RASGRP3: variants seen among roughly 807,000 people sequenced by gnomAD.
RASGRP3 encodes ras guanyl-releasing protein 3.
RASGRP3 carries 54 observed loss-of-function variants against 82.7 expected under a neutral mutation model. The observed-to-expected ratio is 0.65, with a 90% CI of 0.52 to 0.82. The LOEUF is 0.82. RASGRP3 is among the 40% of genes least tolerant of loss of function. RASGRP3 has a pLI of 0.00. For synonymous variants in RASGRP3, 309 were observed against 300.5 expected (o/e 1.03, Z -0.29); for missense variants, 861 against 828.9 (o/e 1.04, Z -0.48).
intron 15 of RASGRP3, among the ~76,000 whole-genome samples, chr2:33,557,338 G>C (rs191597146): frequency 1.3e-5 from 2 of 152,300 alleles, no homozygotes; most frequent in African/African-American, 4.8e-5. Flanking sequence ...CTGAGCATAT[G>C]CCCATCTTGT....
chr2:33,453,719 G>A (rs1665909865), intron 2 of RASGRP3, among the ~76,000 whole-genome samples: 1 of 152,226 alleles, frequency 6.6e-6, no homozygotes, highest in African/African-American at 2.4e-5. Context: ...ATGAGGATAT[G>A]TAAGGATCTT....
intron 13 of RASGRP3, among the ~76,000 whole-genome samples, chr2:33,548,168 T>C (rs1479155836): frequency 6.6e-6 from 1 of 151,844 alleles, no homozygotes; most frequent in Non-Finnish European, 1.5e-5. Context: ...GAGACCATCT[T>C]GGCTAACACG....
intron 1 of RASGRP3, among the ~76,000 whole-genome samples, chr2:33,503,842 G>GTAAAGGAAATC (rs1670105630): frequency 6.6e-6 from 1 of 152,096 alleles, no homozygotes; most frequent in Non-Finnish European, 1.5e-5. Flanking sequence ...CGTCTAAATG[G>GTAAAGGAAATC]TAAAGGAAAT....
At chr2:33,497,999 C>CTCCAGCCCTTCTTTCCTTTT (rs1292654532) in intron 1 of RASGRP3, among the ~76,000 whole-genome samples, 1 of 152,182 alleles carries the variant, frequency 6.6e-6, no homozygotes, top group East Asian at 1.9e-4. Flanking sequence ...TCTTTCCTTT[C>CTCCAGCCCTTCTTTCCTTTT]TCCAGCCCTT....
intron 6 of RASGRP3, among the ~76,000 whole-genome samples, chr2:33,521,618 T>C (rs1672042958): frequency 1.3e-5 from 2 of 152,258 alleles, no homozygotes; most frequent in South Asian, 2.1e-4. Context: ...GTGGTTTCCA[T>C]GTGTCTTAAA....
At chr2:33,545,583 A>G (rs1407374063) in intron 13 of RASGRP3, among the ~76,000 whole-genome samples, 1 of 152,350 alleles carries the variant, frequency 6.6e-6, no homozygotes, top group Non-Finnish European at 1.5e-5. Context: ...AAATTCATTT[A>G]TCATATATAT....
rs1255353464 is a variant in RASGRP3 at position 33,549,716 on chromosome 2, C to T, written c.1507C>T (p.Leu503Phe). 1.9e-6 allele frequency: 3 copies of T among 1,613,900 alleles called. No individual in the cohort carries two copies. The highest frequency in any genetic ancestry group is 2.5e-6 in the Non-Finnish European group (3 of 1,179,896). ...FIHNFQEMTY[L>F]KPTFCEHCAG... ...CCATAATTTTCAGGAGATGACCTAT[C>T]TCAAGCCAACCTTCTGCGAACACTG... The change falls in exon 14 of 18, where the codon CTC becomes TTC. Residue 503 changes from leucine to phenylalanine, a missense_variant. Transcript: ENST00000403687.
intron 4 of RASGRP3, among the ~76,000 whole-genome samples, chr2:33,518,709 AT>A (rs537382375): frequency 1.1e-4 from 17 of 150,042 alleles, no homozygotes; most frequent in Non-Finnish European, 1.8e-4. Flanking sequence ...CTCTATTTAA[AT>A]TTTTTTTTTT....
At chr2:33,506,831 A>G (rs913537403) in intron 1 of RASGRP3, among the ~76,000 whole-genome samples, 6 of 152,298 alleles carry the variant, frequency 3.9e-5, no homozygotes, top group Middle Eastern at 3.4e-3. Flanking sequence ...TCTTCGTGTC[A>G]TCAGTTGTGG....
At chr2:33,556,953 A>G (rs190976255) in intron 15 of RASGRP3, among the ~76,000 whole-genome samples, 4 of 150,922 alleles carry the variant, frequency 2.7e-5, no homozygotes, top group Admixed American at 2.0e-4. Context: ...ATGAAAATCT[A>G]TTACACCTTT....
chr2:33,560,412 T>C (rs1391361094), intron 17 of RASGRP3, among the ~76,000 whole-genome samples: 1 of 152,192 alleles, frequency 6.6e-6, no homozygotes, highest in East Asian at 1.9e-4. Flanking sequence ...AGAAAGATCA[T>C]GATTAGGTGT....
chr2:33,451,588 C>A lies in RASGRP3; in HGVS notation c.-261+3645C>A, dbSNP rs1665802112. ...ATCTATTTTGAGTTTAAGTTTTAAT[C>A]TATTTTGAGTTCATTTTTGTATGTA... is the stretch of plus-strand genomic sequence containing the variant. On this transcript the variant is annotated intron_variant, in intron 2 of 18. Transcript: ENST00000402538. Among the ~76,000 whole-genome samples the A allele has an allele frequency of 2.0e-5, 3 of 152,152 alleles. No individual in the cohort carries two copies. The South Asian group carries it at 6.2e-4, about 32-fold the overall frequency.
At chr2:33,472,782 C>T (rs1488378294), upstream of RASGRP3, among the ~76,000 whole-genome samples, 1 of 149,976 alleles carries the variant, frequency 6.7e-6, no homozygotes, top group Non-Finnish European at 1.5e-5. Flanking sequence ...TGGTGAAACC[C>T]CGTCTCTACT....
chr2:33,436,893 T>C (rs1664953374), intron 1 of RASGRP3, among the ~76,000 whole-genome samples: 1 of 152,220 alleles, frequency 6.6e-6, no homozygotes, highest in Non-Finnish European at 1.5e-5. Flanking sequence ...TTTAAAAATA[T>C]ATTTTTGATA....
At chr2:33,457,242 T>G (rs1314957084) in intron 2 of RASGRP3, among the ~76,000 whole-genome samples, 1 of 152,192 alleles carries the variant, frequency 6.6e-6, no homozygotes, top group Non-Finnish European at 1.5e-5. Flanking sequence ...ATTATAGACA[T>G]AATCCAAGTT....
chr2:33,472,870 C>CAAAAA (rs57159320), upstream of RASGRP3, among the ~76,000 whole-genome samples: 109 of 68,060 alleles, frequency 1.6e-3, 5 homozygotes, highest in East Asian at 0.029. Flanking sequence ...GACTCCGTCT[C>CAAAAA]AAAAAAAAAA....
chr2:33,468,019 T>TCTTC (rs1666818676), intron 2 of RASGRP3, among the ~76,000 whole-genome samples: 1 of 136,506 alleles, frequency 7.3e-6, no homozygotes, highest in Non-Finnish European at 1.5e-5. Flanking sequence ...TTTCTTTCTT[T>TCTTC]CTTTCTTTCT....
intron 13 of RASGRP3, among the ~76,000 whole-genome samples, chr2:33,548,564 C>T (rs1675057727): frequency 6.6e-6 from 1 of 151,780 alleles, no homozygotes. Context: ...CACAACTCTT[C>T]CTCTGAGAGA....
intron 12 of RASGRP3, chr2:33,539,569 G>A: frequency 7.0e-6 from 1 of 143,448 alleles, no homozygotes. Context: ...ATTACCCAAG[G>A]GCAGGAAAGA....
Sources: allele counts gnomAD v4.1 joint callset (sites outside exome capture counted in the v4.1 genomes callset), GRCh38; gene constraint gnomAD v4.1.1; transcripts MANE v1.5; gene names NCBI Gene and HGNC (gene_info 2026-07-23, HGNC 2026-07-21).